NRIP1: variants seen among roughly 807,000 people sequenced by gnomAD.
NRIP1 encodes nuclear receptor-interacting protein 1.
NRIP1 carries 28 observed loss-of-function variants against 75.0 expected under a neutral mutation model. The ratio of observed to expected loss-of-function variants is 0.37; its 90% CI spans 0.28 to 0.51. The LOEUF (loss-of-function observed/expected upper bound fraction) is 0.51, where lower values mean the gene tolerates loss of function less well. NRIP1 is among the 20% of genes least tolerant of loss of function. NRIP1 has a pLI of 0.92. For synonymous variants in NRIP1, 526 were observed against 487.6 expected (o/e 1.08, Z -1.04); for missense variants, 1,435 against 1,343.7 (o/e 1.07, Z -1.06).
intron 3 of NRIP1, among the ~76,000 whole-genome samples, chr21:14,969,956 T>C (rs1462750094): frequency 6.6e-6 from 1 of 152,198 alleles, no homozygotes; most frequent in Non-Finnish European, 1.5e-5. Context: ...GTACTTAAGA[T>C]GGATATTTTA....
chr21:14,992,061 C>T (rs2087587628), intron 3 of NRIP1, among the ~76,000 whole-genome samples: 1 of 152,108 alleles, frequency 6.6e-6, no homozygotes, highest in African/African-American at 2.4e-5. Context: ...TGCTTTCAGA[C>T]AGGTCTCACT....
chr21:15,028,549 C>A (rs2088575035), intron 2 of NRIP1, among the ~76,000 whole-genome samples: 1 of 152,092 alleles, frequency 6.6e-6, no homozygotes, highest in Admixed American at 6.6e-5. Flanking sequence ...AGGTTTGGGG[C>A]TGAAAAATCA....
chr21:14,962,791 G>C lies in NRIP1; in HGVS notation c.*1925C>G, dbSNP rs2086625395. The stretch of plus-strand genomic sequence containing the variant: ...GTAGCTATTTACAAATCATTCTGAG[G>C]AAAAATAACCATTTAGGGTTTTAGA... On this transcript the variant is annotated 3_prime_UTR_variant, in exon 4 of 4. Coordinates refer to ENST00000318948, the MANE Select transcript of NRIP1 (RefSeq NM_003489.4). 1 of 152,284 alleles carries C rather than the reference G, an allele frequency of 6.6e-6. No homozygotes were observed. The highest frequency in any genetic ancestry group is 1.5e-5 in the Non-Finnish European group (1 of 67,914). The allele number at this position is 152,284 out of a possible 1,614,324, so 9.4% of individuals were successfully genotyped here.
intron 2 of NRIP1, among the ~76,000 whole-genome samples, chr21:15,036,773 T>C (rs901962123): frequency 2.6e-5 from 4 of 152,090 alleles, no homozygotes; most frequent in African/African-American, 7.2e-5. Flanking sequence ...TCTTAAGAAA[T>C]AGAATTGAAA....
chr21:15,021,285 G>C (rs78381397), intron 2 of NRIP1, among the ~76,000 whole-genome samples: 4 of 152,118 alleles, frequency 2.6e-5, no homozygotes, highest in African/African-American at 9.7e-5. Context: ...AGCTAAATAC[G>C]AAAGATATCT....
chr21:14,998,406 G>C (rs2087780696), intron 3 of NRIP1, among the ~76,000 whole-genome samples: 1 of 152,200 alleles, frequency 6.6e-6, no homozygotes, highest in Non-Finnish European at 1.5e-5. Flanking sequence ...CACTGAAGGA[G>C]GCAAGCATTG....
chr21:15,064,047 T>A (rs981692708), intron 1 of NRIP1, among the ~76,000 whole-genome samples: 3 of 152,208 alleles, frequency 2.0e-5, no homozygotes, highest in African/African-American at 7.2e-5. Context: ...GAAACCTTCA[T>A]AAAACAATAT....
At chr21:15,037,025 G>A (rs2088850492) in intron 2 of NRIP1, among the ~76,000 whole-genome samples, 1 of 152,078 alleles carries the variant, frequency 6.6e-6, no homozygotes, top group Non-Finnish European at 1.5e-5. Context: ...AACTTATAAG[G>A]AAATAATAAG....
intron 2 of NRIP1, among the ~76,000 whole-genome samples, chr21:15,019,034 G>A (rs2088303792): frequency 6.6e-6 from 1 of 151,558 alleles, no homozygotes; most frequent in Admixed American, 6.6e-5. Flanking sequence ...TGATGTGTTG[G>A]ATTTTGTCAA....
intron 2 of NRIP1, among the ~76,000 whole-genome samples, chr21:15,026,979 G>A (rs939941089): frequency 1.4e-4 from 22 of 152,116 alleles, no homozygotes; most frequent in Admixed American, 5.2e-4. Flanking sequence ...TTGCATGCCT[G>A]TATCAAAACA....
chr21:15,017,638 G>A (rs1568983342), intron 2 of NRIP1, among the ~76,000 whole-genome samples: 1 of 152,220 alleles, frequency 6.6e-6, no homozygotes, highest in Middle Eastern at 3.4e-3. Flanking sequence ...AGACTGAGGT[G>A]GAATTCAAAT....
chr21:15,007,563 T>A (rs1306088207), intron 3 of NRIP1, among the ~76,000 whole-genome samples: 1 of 152,222 alleles, frequency 6.6e-6, no homozygotes, highest in Admixed American at 6.5e-5. Flanking sequence ...CAGAATCAGA[T>A]CCTGTTTGAA....
In NRIP1 at chr21:14,967,144, A is replaced by T; in HGVS notation, c.1049T>A (p.Met350Lys). 2 of 1,614,110 alleles carry T rather than the reference A, an allele frequency of 1.2e-6. No homozygotes were observed. Residue 350 changes from methionine (M) to lysine (K), a missense_variant, in exon 4 of 4, where the codon ATG (methionine) becomes AAG (lysine). Met to Lys is a moderately conservative substitution (Grantham distance 95). Transcript: ENST00000318948. The part of the protein sequence containing the change: ...KSSATVFQNP[M>K]GIIPSSPKNA... ...TTTAGGGGAAGAAGGAATGATACCC[A>T]TTGGATTTTGAAACACTGTAGCACT...
Position 14,968,260 on chromosome 21 carries a change from G to A in NRIP1, c.-68C>T. 1 of 1,053,502 alleles carries A rather than the reference G, an allele frequency of 9.5e-7. No individual in the cohort carries two copies. The highest frequency in any genetic ancestry group is 1.6e-5 in the South Asian group (1 of 63,710). The allele number at this position is 1,053,502 out of a possible 1,614,324, so 65.3% of individuals were successfully genotyped here. Reference sequence around the variant, plus strand: ...TAAAGAATGGTTTTCTGTGGTGAGTGCGATGTAACTTTAATAAAGGAGTAT... The same window carrying A: ...TAAAGAATGGTTTTCTGTGGTGAGTACGATGTAACTTTAATAAAGGAGTAT... On this transcript the variant is annotated 5_prime_UTR_variant, in exon 4 of 4. Coordinates refer to ENST00000318948, the MANE Select transcript of NRIP1 (RefSeq NM_003489.4).
intron 3 of NRIP1, among the ~76,000 whole-genome samples, chr21:14,987,015 G>C (rs1458529996): frequency 6.6e-6 from 1 of 152,154 alleles, no homozygotes; most frequent in African/African-American, 2.4e-5. Context: ...CATCCTGTCT[G>C]ATGCTTAATC....
In NRIP1 at chr21:14,968,003, T is replaced by G; in HGVS notation, c.190A>C (p.Asn64His). 1.2e-6 allele frequency: 2 copies of G among 1,614,062 alleles called. No homozygotes were observed. Among genetic ancestry groups the G allele is most frequent in the Non-Finnish European group, 1.7e-6 (2 of 1,180,014 alleles). The change falls in exon 4 of 4, where the codon AAT becomes CAT. Residue 64 changes from asparagine to histidine, a missense_variant. By Grantham distance (68) the Asn-to-His change is moderately conservative (BLOSUM62 1). Transcript: ENST00000318948. ...GTATGTGTATTGAGAACTGGACCAT[T>G]ACTTTGACAGGTGGGAAATGCACTG... ...SGSAFPTCQS[N>H]GPVLNTHTYQ...
rs1457184563 is a variant in NRIP1, at chr21:14,967,269, G to T, written c.924C>A (p.Gly308=). The T allele has an allele frequency of 6.2e-7, 1 of 1,613,842 alleles. No homozygotes were observed. Among genetic ancestry groups the T allele is most frequent in the Admixed American group, 1.7e-5 (1 of 59,946 alleles). The stretch of plus-strand genomic sequence containing the variant: ...GCTGGTAACTGCCAACATCCTTCTG[G>T]CCATTTTCTTGCAATCTGGCCATAG... ...LAAMARLQEN[G]QKDVGSYQLP... The change falls in exon 4 of 4, where the codon GGC becomes GGA. Residue 308 remains glycine, a synonymous_variant. Transcript: ENST00000318948.
chr21:15,064,451 C>A (rs957974071), intron 1 of NRIP1, among the ~76,000 whole-genome samples: 1 of 152,092 alleles, frequency 6.6e-6, no homozygotes, highest in African/African-American at 2.4e-5. Context: ...AGTCCGGCCC[C>A]GCTCAGGGGC....
At position 14,965,675 on chromosome 21, in the gene NRIP1, T is replaced by C; in HGVS notation, c.2518A>G (p.Arg840Gly). The C allele has an allele frequency of 6.2e-7, 1 of 1,613,630 alleles. No individual in the cohort carries two copies. The highest frequency in any genetic ancestry group is 8.5e-7 in the Non-Finnish European group (1 of 1,179,954). ...YLADDSDRSHRNNEMALLESK... is the reference protein window; with the variant it reads ...YLADDSDRSHGNNEMALLESK... Reference sequence around the variant, plus strand: ...TCTAGAAGTGCCATTTCATTATTTCTGTGACTCCTGTCTGAATCATCTGCC... The same window carrying C: ...TCTAGAAGTGCCATTTCATTATTTCCGTGACTCCTGTCTGAATCATCTGCC... Residue 840 changes from arginine (R) to glycine (G), a missense_variant, in exon 4 of 4, where the codon AGA becomes GGA. Physicochemically the swap from Arg to Gly is moderately radical, Grantham distance 125. Transcript: ENST00000318948.
Sources: gnomAD v4.1 joint callset for allele counts (sites outside exome capture counted in the v4.1 genomes callset) on GRCh38, gnomAD v4.1.1 for gene constraint, MANE v1.5 for transcripts, NCBI Gene and HGNC (gene_info 2026-07-23, HGNC 2026-07-21) for gene names.